ZNHIT6: variants seen among roughly 807,000 people sequenced by gnomAD.
ZNHIT6 encodes zinc finger HIT-type containing 6, also known as box C/D snoRNA protein 1.
A neutral mutation model predicts 57.2 loss-of-function variants in ZNHIT6; 45 were observed. The observed-to-expected ratio is 0.79, with a 90% CI of 0.62 to 1.01. The LOEUF is 1.01. Ranked by LOEUF, ZNHIT6 falls within the 50% of genes least tolerant of loss-of-function variation. The probability of loss-of-function intolerance (pLI) is 0.00; values close to 1 mark genes in which losing one functional copy is unlikely to be tolerated. For missense variants in ZNHIT6, 528 were observed against 567.3 expected, an observed-to-expected ratio of 0.93 and a Z score of 0.70; for synonymous variants, 188 against 190.0, an observed-to-expected ratio of 0.99 and a Z score of 0.09.
rs1660849668 is a variant in ZNHIT6 at position 85,649,673 on chromosome 1, G to A, written c.*4385C>T. 1 of 152,056 alleles carries A rather than the reference G, an allele frequency of 6.6e-6. No homozygotes were observed. The highest frequency in any genetic ancestry group is 6.6e-5 in the Admixed American group (1 of 15,264). The allele number at this position is 152,056 out of a possible 1,614,324, so 9.4% of individuals were successfully genotyped here. A position where few individuals can be genotyped will look rare whatever the true frequency, so the allele number is the denominator to read the frequency against. ...ACAGATCCCCAAAGGTTTATTTAAA[G>A]CCAATTTTTATTTAAGTAGTCTTCA... is the stretch of plus-strand genomic sequence containing the variant. On this transcript the variant is annotated 3_prime_UTR_variant, in exon 10 of 10. Transcript: ENST00000370574.
At chr1:85,688,463 C>G (rs1236517456) in intron 5 of ZNHIT6, among the ~76,000 whole-genome samples, 1 of 152,248 alleles carries the variant, frequency 6.6e-6, no homozygotes, top group East Asian at 1.9e-4. Flanking sequence ...ATCTCAGTTA[C>G]TTTTTATTTT....
At chr1:85,667,947 C>CAAAAAAAAAAAAAAAAAAAAAAAAAA (rs1156795211) in intron 8 of ZNHIT6, among the ~76,000 whole-genome samples, 3 of 9,258 alleles carry the variant, frequency 3.2e-4, no homozygotes, top group African/African-American at 1.2e-3. Context: ...CTCTCTCTTT[C>CAAAAAAAAAAAAAAAAAAAAAAAAAA]AAAAAAAAAA....
intron 8 of ZNHIT6, among the ~76,000 whole-genome samples, chr1:85,672,224 G>A (rs765121210): frequency 1.4e-4 from 22 of 151,972 alleles, no homozygotes; most frequent in Non-Finnish European, 2.9e-4. Flanking sequence ...GCCAGAAACT[G>A]TAGTCACCTT....
At chr1:85,674,841 G>A (rs1661656592) in intron 8 of ZNHIT6, among the ~76,000 whole-genome samples, 1 of 152,146 alleles carries the variant, frequency 6.6e-6, no homozygotes, top group African/African-American at 2.4e-5. Context: ...AGTCAAACTT[G>A]ACTCTGACAA....
At chr1:85,691,676 C>G (rs1018155869) in intron 5 of ZNHIT6, among the ~76,000 whole-genome samples, 2 of 152,074 alleles carry the variant, frequency 1.3e-5, no homozygotes, top group Non-Finnish European at 2.9e-5. Flanking sequence ...GCAGGCGGAT[C>G]ACCTGAGGCC....
Position 85,650,481 on chromosome 1 carries a change from T to G in ZNHIT6, c.*3577A>C, listed in dbSNP as rs760277860. ...TGAACTGCCCTTCATGCTGACACTA[T>G]TTTGAGTTTTTGTCACTTGCATATA... is the stretch of plus-strand genomic sequence containing the variant. On this transcript the variant is annotated 3_prime_UTR_variant, in exon 10 of 10. Transcript: ENST00000370574. 6.6e-6 allele frequency: 1 copy of G among 152,256 alleles called. No individual in the cohort carries two copies. The highest frequency in any genetic ancestry group is 2.4e-5 in the African/African-American group (1 of 41,466). The allele number at this position is 152,256 out of a possible 1,614,324, so 9.4% of individuals were successfully genotyped here.
At chr1:85,666,106 A>G (rs1661362470) in intron 8 of ZNHIT6, among the ~76,000 whole-genome samples, 2 of 152,192 alleles carry the variant, frequency 1.3e-5, no homozygotes, top group Non-Finnish European at 1.5e-5. Context: ...GGCACTGGGA[A>G]TACAATGGTG....
At chr1:85,701,612 G>A (rs1241599253) in intron 5 of ZNHIT6, among the ~76,000 whole-genome samples, 1 of 152,120 alleles carries the variant, frequency 6.6e-6, no homozygotes, top group Non-Finnish European at 1.5e-5. Flanking sequence ...GAAACCCAGT[G>A]GAGAAAGAAA....
rs199630808 is a variant in ZNHIT6 at position 85,707,917 on chromosome 1, C to T, written c.368G>A (p.Ser123Asn). The T allele has an allele frequency of 7.9e-5, 128 of 1,612,880 alleles. 1 individual carries two copies. The highest frequency in any genetic ancestry group is 3.3e-5 in the Admixed American group (2 of 59,976). Reference sequence around the variant, plus strand: ...CTTCGCTTCTTTTACCACTAAACTACTATCCGTCTCCTGCTTCACCTCCAA... The same window carrying T: ...CTTCGCTTCTTTTACCACTAAACTATTATCCGTCTCCTGCTTCACCTCCAA... Reference protein sequence around the residue: ...GVLEVKQETDSSLVVKEAKVG... With the variant: ...GVLEVKQETDNSLVVKEAKVG... The change falls in exon 1 of 10, where the codon AGT becomes AAT. Residue 123 changes from serine to asparagine, a missense_variant. Ser to Asn is a conservative substitution (Grantham distance 46). Coordinates refer to ENST00000370574, the MANE Select transcript of ZNHIT6 (RefSeq NM_017953.4).
At chr1:85,669,001 G>T (rs1265698973) in intron 8 of ZNHIT6, among the ~76,000 whole-genome samples, 1 of 151,784 alleles carries the variant, frequency 6.6e-6, no homozygotes, top group Non-Finnish European at 1.5e-5. Flanking sequence ...AAAAAAAAAT[G>T]TAGGTTTCTG....
chr1:85,699,548 A>G lies in ZNHIT6; in HGVS notation c.1019+2609T>C, dbSNP rs185462644. Among the ~76,000 whole-genome samples the G allele has an allele frequency of 3.0e-3, 461 of 152,274 alleles. 4 individuals are homozygous for G. Among genetic ancestry groups the G allele is most frequent in the African/African-American group, 0.011 (446 of 41,594 alleles). ...AACCTCTCTAATAAAGCTGCCCACA[A>G]AAAAATTTGGTAATATTCAACAAAA... On this transcript the variant is annotated intron_variant, in intron 5 of 9. Transcript: ENST00000370574.
In ZNHIT6 at chr1:85,706,134, T is replaced by C. The variant is rs1467664753; in HGVS notation, c.859A>G (p.Thr287Ala). 5.0e-6 allele frequency: 8 copies of C among 1,613,878 alleles called. No individual in the cohort carries two copies. The highest frequency in any genetic ancestry group is 5.9e-6 in the Non-Finnish European group (7 of 1,179,946). ...GCATCTCTAGAAATATGGTCCGCTGTTCTTGCCACATCTTCCAAAAATCGA... is the reference window on the plus strand; with the variant it reads ...GCATCTCTAGAAATATGGTCCGCTGCTCTTGCCACATCTTCCAAAAATCGA... ...DYRFLEDVAR[T>A]ADHISRDAFL... Residue 287 changes from threonine (T) to alanine (A), a missense_variant, in exon 4 of 10, where the codon ACA (threonine) becomes GCA (alanine). By Grantham distance (58) the Thr-to-Ala change is moderately conservative (BLOSUM62 0). Coordinates refer to ENST00000370574, the MANE Select transcript of ZNHIT6 (RefSeq NM_017953.4).
chr1:85,659,499 G>A (rs1449637753), intron 8 of ZNHIT6, among the ~76,000 whole-genome samples: 2 of 152,188 alleles, frequency 1.3e-5, no homozygotes, highest in African/African-American at 4.8e-5. Context: ...CCTAATGGCT[G>A]TAACTCCATC....
rs555663814 is a variant in ZNHIT6 at position 85,659,848 on chromosome 1, C to T, written c.1248-1877G>A. Among the ~76,000 whole-genome samples, 7 of 152,244 alleles carry T rather than the reference C, an allele frequency of 4.6e-5. No individual in the cohort carries two copies. In the South Asian group the frequency reaches 1.5e-3, roughly 32 times the overall value. ...AAAACCAAAACTTTACTTATGCTTCCCTGACCACACACCCCAGCCTGGAAT... is the reference window on the plus strand; with the variant it reads ...AAAACCAAAACTTTACTTATGCTTCTCTGACCACACACCCCAGCCTGGAAT... On this transcript the variant is annotated intron_variant, in intron 8 of 9. Coordinates refer to ENST00000370574, the MANE Select transcript of ZNHIT6 (RefSeq NM_017953.4).
rs1467271295 is a variant in ZNHIT6, at chr1:85,650,143, C to G, written c.*3915G>C. ...GGGTGAATTCCTCTCTTGATTAGCTCAGGAACGGAATGTGATCCAATCTGG... is the reference window on the plus strand; with the variant it reads ...GGGTGAATTCCTCTCTTGATTAGCTGAGGAACGGAATGTGATCCAATCTGG... On this transcript the variant is annotated 3_prime_UTR_variant, in exon 10 of 10. Transcript: ENST00000370574. The G allele has an allele frequency of 6.6e-6, 1 of 152,216 alleles. No homozygotes were observed. The highest frequency in any genetic ancestry group is 1.5e-5 in the Non-Finnish European group (1 of 68,044). 9.4% of individuals were successfully genotyped at this position (152,216 alleles called of 1,614,324 possible). A position where few individuals can be genotyped will look rare whatever the true frequency, so the allele number is the denominator to read the frequency against.
At chr1:85,702,537 G>A (rs1662566337) in intron 4 of ZNHIT6, among the ~76,000 whole-genome samples, 1 of 152,168 alleles carries the variant, frequency 6.6e-6, no homozygotes, top group African/African-American at 2.4e-5. Context: ...TCCAGAGCTT[G>A]TGTTTCTAAC....
In ZNHIT6 at chr1:85,660,191, A is replaced by G. The variant is rs529148473; in HGVS notation, c.1248-2220T>C. On this transcript the variant is annotated intron_variant, in intron 8 of 9. Transcript: ENST00000370574. ...CAAGTAAAAGATTAACTTACAAAGT[A>G]AAATATAAAATGGTGATAACTAAAT... 2.2e-4 allele frequency among the ~76,000 whole-genome samples: 34 copies of G among 152,312 alleles called. 1 individual carries two copies. In the South Asian group the frequency reaches 6.8e-3, roughly 31 times the overall value.
At chr1:85,670,142 T>TA (rs35375122) in intron 8 of ZNHIT6, among the ~76,000 whole-genome samples, 56,586 of 151,614 alleles carry the variant, frequency 0.37, 10,777 homozygotes, top group East Asian at 0.49. Flanking sequence ...TGTAAACCAA[T>TA]AAAAAAAACC....
chr1:85,661,902 T>C (rs1253768820), intron 8 of ZNHIT6, among the ~76,000 whole-genome samples: 2 of 152,068 alleles, frequency 1.3e-5, no homozygotes, highest in African/African-American at 4.8e-5. Context: ...TTCTTAGACA[T>C]TTCCTCTTGT....
Sources: gnomAD v4.1 joint callset for allele counts (sites outside exome capture counted in the v4.1 genomes callset) on GRCh38, gnomAD v4.1.1 for gene constraint, MANE v1.5 for transcripts, NCBI Gene and HGNC (gene_info 2026-07-23, HGNC 2026-07-21) for gene names.